Variants in PCMT1 observed in about 807,000 individuals in gnomAD.
The protein encoded by PCMT1 is protein-L-isoaspartate(D-aspartate) O-methyltransferase.
In PCMT1, 9 loss-of-function variants were observed where a neutral mutation model predicts 29.2. That is an observed-to-expected ratio of 0.31 (90% CI 0.19 to 0.54). PCMT1 has a LOEUF of 0.54. PCMT1 is among the 20% of genes least tolerant of loss of function. PCMT1 has a pLI of 0.95. For synonymous variants in PCMT1, 98 were observed against 97.5 expected, an observed-to-expected ratio of 1.00 and a Z score of -0.03; for missense variants, 184 against 282.2, an observed-to-expected ratio of 0.65 and a Z score of 2.49.
intron 1 of PCMT1, among the ~76,000 whole-genome samples, chr6:149,756,881 G>C (rs1198218625): frequency 4.0e-5 from 6 of 151,886 alleles, no homozygotes; most frequent in Non-Finnish European, 7.4e-5. Flanking sequence ...TTGGCCGGGC[G>C]TGGTGGGTCA....
chr6:149,750,774 A>G (rs927877007), intron 1 of PCMT1, among the ~76,000 whole-genome samples: 1 of 151,980 alleles, frequency 6.6e-6, no homozygotes, highest in African/African-American at 2.4e-5. Flanking sequence ...TAATTTTAGG[A>G]TAGGATGAGT....
intron 7 of PCMT1, among the ~76,000 whole-genome samples, chr6:149,805,526 C>A (rs562505347): frequency 6.6e-6 from 1 of 150,816 alleles, no homozygotes; most frequent in South Asian, 2.1e-4. Flanking sequence ...CCTGGGAGGC[C>A]GAGCTTGCAG....
intron 7 of PCMT1, among the ~76,000 whole-genome samples, chr6:149,802,905 C>A (rs1260938811): frequency 2.0e-5 from 3 of 151,458 alleles, no homozygotes; most frequent in Non-Finnish European, 4.4e-5. Flanking sequence ...AATACAAAAT[C>A]AGCTGGGCGT....
chr6:149,803,052 CAAAA>C (rs60853264), intron 7 of PCMT1, among the ~76,000 whole-genome samples: 2 of 70,570 alleles, frequency 2.8e-5, no homozygotes, highest in African/African-American at 9.8e-5. Flanking sequence ...GGCTCTGTCT[CAAAA>C]AAAAAAAAAA....
At chr6:149,764,356 G>A (rs1786984550) in intron 1 of PCMT1, among the ~76,000 whole-genome samples, 1 of 152,078 alleles carries the variant, frequency 6.6e-6, no homozygotes, top group Non-Finnish European at 1.5e-5. Flanking sequence ...GCTTATTTGA[G>A]ACAACATAAG....
At chr6:149,753,809 T>C (rs577247115) in intron 1 of PCMT1, among the ~76,000 whole-genome samples, 1 of 152,354 alleles carries the variant, frequency 6.6e-6, no homozygotes, top group South Asian at 2.1e-4. Flanking sequence ...AGATTTCTTA[T>C]GTCATGGCTT....
intron 1 of PCMT1, among the ~76,000 whole-genome samples, chr6:149,768,047 G>A (rs1320252908): frequency 6.6e-6 from 1 of 151,768 alleles, no homozygotes; most frequent in Non-Finnish European, 1.5e-5. Context: ...ACCCACCTCG[G>A]CCTCCCAAAG....
chr6:149,789,270 G>A (rs889641563), intron 3 of PCMT1, among the ~76,000 whole-genome samples: 4 of 151,960 alleles, frequency 2.6e-5, no homozygotes, highest in African/African-American at 7.2e-5. Flanking sequence ...TAGAGATGGA[G>A]TTTCACCATC....
In PCMT1 at chr6:149,763,172, T is replaced by C. The variant is rs1190367476; in HGVS notation, c.56-7990T>C. ...CTATGATATATATCTATGATATCTA[T>C]GATATATATCTATGATATCTATGAT... On this transcript the variant is annotated intron_variant, in intron 1 of 7. Coordinates refer to ENST00000464889, the MANE Select transcript of PCMT1 (RefSeq NM_001360452.2). Among the ~76,000 whole-genome samples, 71 of 45,834 alleles carry C rather than the reference T, an allele frequency of 1.5e-3. 16 individuals are homozygous for C. The highest frequency in any genetic ancestry group is 6.4e-3 in the Admixed American group (19 of 2,960). 30.1% of individuals were successfully genotyped at this position (45,834 alleles called of 152,430 possible).
chr6:149,773,169 G>A lies in PCMT1; in HGVS notation c.192G>A (p.Met64Ile). 6.2e-7 allele frequency: 1 copy of A among 1,608,128 alleles called. No homozygotes were observed. The highest frequency in any genetic ancestry group is 8.5e-7 in the Non-Finnish European group (1 of 1,175,420). The change falls in exon 3 of 8, where the codon ATG (methionine) becomes ATA (isoleucine). Residue 64 changes from methionine (M) to isoleucine (I), a missense_variant and splice_region_variant. Coordinates refer to ENST00000464889, the MANE Select transcript of PCMT1 (RefSeq NM_001360452.2). ...AAGCAACAATCAGTGCTCCACACAT[G>A]GTAAGTTAAGTTTGTTCACTTGGTT... ...GFQATISAPH[M>I]HAYALELLFD... is the part of the protein sequence containing the mutation.
intron 1 of PCMT1, among the ~76,000 whole-genome samples, chr6:149,757,477 A>T (rs1325671357): frequency 6.6e-6 from 1 of 152,188 alleles, no homozygotes; most frequent in Non-Finnish European, 1.5e-5. Flanking sequence ...ATTGGATAAG[A>T]GTGATGAAGA....
At chr6:149,800,489 C>CA (rs1232755088) in intron 6 of PCMT1, among the ~76,000 whole-genome samples, 4 of 151,916 alleles carry the variant, frequency 2.6e-5, no homozygotes, top group East Asian at 1.9e-4. Context: ...AAAACTACAA[C>CA]AAAAAACAAA....
chr6:149,752,035 G>GTT (rs1786341040), intron 1 of PCMT1, among the ~76,000 whole-genome samples: 2 of 97,860 alleles, frequency 2.0e-5, no homozygotes, highest in African/African-American at 7.0e-5. Flanking sequence ...TAATTTTTAG[G>GTT]GTTTTTTTTT....
chr6:149,765,137 A>G (rs1444191618), intron 1 of PCMT1, among the ~76,000 whole-genome samples: 4 of 149,444 alleles, frequency 2.7e-5, no homozygotes, highest in Non-Finnish European at 4.4e-5. Context: ...AGGCGGGCGG[A>G]TCCACGAGGT....
At chr6:149,758,948 C>T (rs1786629882) in intron 1 of PCMT1, among the ~76,000 whole-genome samples, 1 of 152,128 alleles carries the variant, frequency 6.6e-6, no homozygotes, top group Non-Finnish European at 1.5e-5. Context: ...GCGATCTCGG[C>T]TCACGACAAC....
At chr6:149,779,075 G>A (rs1787700515) in intron 3 of PCMT1, among the ~76,000 whole-genome samples, 2 of 152,068 alleles carry the variant, frequency 1.3e-5, no homozygotes, top group African/African-American at 4.8e-5. Flanking sequence ...GGCCCGGGTT[G>A]AGAGAGAATA....
chr6:149,783,136 A>C (rs1475387806), intron 3 of PCMT1, among the ~76,000 whole-genome samples: 1 of 152,120 alleles, frequency 6.6e-6, no homozygotes, highest in Non-Finnish European at 1.5e-5. Flanking sequence ...TCCACATATT[A>C]TTATTATTTT....
chr6:149,777,838 CT>C (rs1787635377), intron 3 of PCMT1, among the ~76,000 whole-genome samples: 1 of 139,444 alleles, frequency 7.2e-6, no homozygotes, highest in Non-Finnish European at 1.5e-5. Context: ...CTTTCTTTTT[CT>C]CCTTCCTTCC....
intron 5 of PCMT1, 105 bp downstream of exon 5, chr6:149,793,774 C>A: frequency 2.0e-6 from 2 of 1,012,628 alleles, no homozygotes; most frequent in Non-Finnish European, 2.7e-6. Flanking sequence ...TTTTTTTTTA[C>A]AATCACTTTT....
Sources: allele counts gnomAD v4.1 joint callset (sites outside exome capture counted in the v4.1 genomes callset), GRCh38; gene constraint gnomAD v4.1.1; transcripts MANE v1.5; gene names NCBI Gene and HGNC (gene_info 2026-07-23, HGNC 2026-07-21).